Variants in TCERG1L observed in about 807,000 individuals in gnomAD.
TCERG1L encodes the protein transcription elongation regulator 1-like protein.
TCERG1L carries 37 observed loss-of-function variants against 56.3 expected under a neutral mutation model. The ratio of observed to expected loss-of-function variants is 0.66; its 90% CI spans 0.51 to 0.87. TCERG1L has a LOEUF of 0.87. Among genes scored for constraint, TCERG1L ranks in the 40% least tolerant of loss-of-function variants. The pLI, the probability that TCERG1L is intolerant of heterozygous loss-of-function variation, is 0.00. For missense variants in TCERG1L, 799 were observed against 774.2 expected (o/e 1.03, Z -0.38); for synonymous variants, 324 against 326.3 (o/e 0.99, Z 0.08).
At chr10:131,290,029 GGTGT>G (rs1272473143) in intron 3 of TCERG1L, among the ~76,000 whole-genome samples, 3 of 54,282 alleles carry the variant, frequency 5.5e-5, no homozygotes, top group Admixed American at 2.3e-4. Flanking sequence ...ATCTCCTATC[GGTGT>G]GTGTGTGTAT....
intron 6 of TCERG1L, among the ~76,000 whole-genome samples, chr10:131,152,913 C>A (rs1845880954): frequency 6.6e-6 from 1 of 152,134 alleles, no homozygotes. Context: ...CATGAGAACT[C>A]ACTCGCTATC....
rs73396471 is a variant in TCERG1L, at chr10:131,218,992, T to C, written c.856+41267A>G. On this transcript the variant is annotated intron_variant, in intron 4 of 11. Transcript: ENST00000368642. Reference sequence around the variant, plus strand: ...CTGCCTTAGCCAGGGCACCAGCCACTGTCACTCCTCCTGGGCACTGGTCAC... The same window carrying C: ...CTGCCTTAGCCAGGGCACCAGCCACCGTCACTCCTCCTGGGCACTGGTCAC... Among the ~76,000 whole-genome samples, 943 of 152,246 alleles carry C rather than the reference T, an allele frequency of 6.2e-3. 7 individuals carry two copies. The highest frequency in any genetic ancestry group is 0.022 in the African/African-American group (902 of 41,560).
intron 10 of TCERG1L, among the ~76,000 whole-genome samples, chr10:131,102,283 C>T (rs1564791886): frequency 2.0e-5 from 3 of 152,144 alleles, no homozygotes; most frequent in South Asian, 2.1e-4. Context: ...CCCGGGAACA[C>T]GTCACACTGC....
intron 4 of TCERG1L, among the ~76,000 whole-genome samples, chr10:131,198,361 T>C (rs991547206): frequency 6.6e-6 from 1 of 152,340 alleles, no homozygotes; most frequent in Admixed American, 6.5e-5. Flanking sequence ...TGGTGACCCA[T>C]TGCCCACCTG....
At chr10:131,105,884 T>C (rs1425887407) in intron 9 of TCERG1L, among the ~76,000 whole-genome samples, 1 of 152,248 alleles carries the variant, frequency 6.6e-6, no homozygotes, top group Non-Finnish European at 1.5e-5. Flanking sequence ...GCTCCCGTGG[T>C]GGGTTCCCGG....
In TCERG1L at chr10:131,134,559, G is replaced by A. The variant is rs1200029758; in HGVS notation, c.1190-111C>T. The A allele has an allele frequency of 6.4e-6, 5 of 784,274 alleles. No homozygotes were observed. In the Admixed American group the frequency reaches 7.4e-5, roughly 12 times the overall value. 48.6% of individuals were successfully genotyped at this position (784,274 alleles called of 1,614,324 possible). A position where few individuals can be genotyped will look rare whatever the true frequency, so the allele number is the denominator to read the frequency against. The stretch of plus-strand genomic sequence containing the variant: ...GACTTATCTAGAAATTAAGACAACA[G>A]GCTTCTCTTAAAGATTGATGTGAAA... On this transcript the variant is annotated intron_variant, in intron 7 of 11. Coordinates refer to ENST00000368642, the MANE Select transcript of TCERG1L (RefSeq NM_174937.4).
intron 3 of TCERG1L, among the ~76,000 whole-genome samples, chr10:131,277,888 C>A (rs1464032075): frequency 6.6e-6 from 1 of 151,974 alleles, no homozygotes; most frequent in African/African-American, 2.4e-5. Flanking sequence ...GCCGGGAGAG[C>A]CACCGACTTG....
chr10:131,098,873 C>T (rs996930023), intron 10 of TCERG1L, among the ~76,000 whole-genome samples: 6 of 152,218 alleles, frequency 3.9e-5, no homozygotes, highest in South Asian at 2.1e-4. Flanking sequence ...GCACTTAGTT[C>T]GTGCTAGTCA....
chr10:131,139,182 C>T (rs1163377052), intron 7 of TCERG1L, among the ~76,000 whole-genome samples: 7 of 152,212 alleles, frequency 4.6e-5, no homozygotes, highest in Admixed American at 4.6e-4. Flanking sequence ...GGAGAAGATT[C>T]GGCAGTACCT....
chr10:131,200,648 T>C (rs1312947966), intron 4 of TCERG1L, among the ~76,000 whole-genome samples: 2 of 152,186 alleles, frequency 1.3e-5, no homozygotes, highest in Admixed American at 6.5e-5. Flanking sequence ...GTCTCACTCA[T>C]ATGATGTTTA....
intron 7 of TCERG1L, among the ~76,000 whole-genome samples, chr10:131,138,193 C>T (rs559760341): frequency 2.0e-5 from 3 of 152,216 alleles, no homozygotes; most frequent in South Asian, 2.1e-4. Flanking sequence ...TTTTTGAACC[C>T]GGGAGAGTTC....
intron 4 of TCERG1L, among the ~76,000 whole-genome samples, chr10:131,179,974 T>G (rs1262336544): frequency 6.6e-6 from 1 of 152,110 alleles, no homozygotes; most frequent in Non-Finnish European, 1.5e-5. Flanking sequence ...CTTCATGCTT[T>G]AGTTAAAAAT....
At chr10:131,226,115 G>C (rs1299103079) in intron 4 of TCERG1L, among the ~76,000 whole-genome samples, 2 of 152,162 alleles carry the variant, frequency 1.3e-5, no homozygotes, top group African/African-American at 4.8e-5. Context: ...TTTTTAAATA[G>C]TTTCTTTTAG....
chr10:131,176,072 C>T (rs74713395), intron 4 of TCERG1L, among the ~76,000 whole-genome samples: 1,576 of 152,316 alleles, frequency 0.01, 29 homozygotes, highest in African/African-American at 0.031. Flanking sequence ...GTCGCTTCGT[C>T]GAGCCCTCCG....
intron 6 of TCERG1L, among the ~76,000 whole-genome samples, chr10:131,154,487 C>T (rs1019943445): frequency 3.3e-5 from 5 of 152,194 alleles, no homozygotes; most frequent in South Asian, 2.1e-4. Flanking sequence ...TCCCTGGGGC[C>T]GGGCCACCAG....
chr10:131,221,707 A>G (rs534977432), intron 4 of TCERG1L, among the ~76,000 whole-genome samples: 2 of 152,306 alleles, frequency 1.3e-5, no homozygotes, highest in African/African-American at 4.8e-5. Context: ...GGAGGTCCCC[A>G]TGCTATGACT....
At chr10:131,095,685 T>C (rs889507153) in intron 11 of TCERG1L, 8 of 152,372 alleles carry the variant, frequency 5.3e-5, no homozygotes, top group African/African-American at 1.4e-4. Flanking sequence ...TAAAATAATT[T>C]GCTACATTAT....
intron 4 of TCERG1L, among the ~76,000 whole-genome samples, chr10:131,256,994 A>AAGG (rs1554897149): frequency 8.7e-5 from 6 of 69,142 alleles, no homozygotes; most frequent in East Asian, 3.6e-4. Context: ...GGAAGGAAGG[A>AAGG]AAGAAAGAAA....
chr10:131,163,177 T>C lies in TCERG1L; in HGVS notation c.979A>G (p.Ser327Gly), dbSNP rs1415289068. The change falls in exon 6 of 12, where the codon AGC becomes GGC. Residue 327 changes from serine to glycine, a missense_variant. Physicochemically the swap from Ser to Gly is moderately conservative, Grantham distance 56. Transcript: ENST00000368642. ...PPPMLGGGED[S>G]TARGNRPVAS... ...ACTGGCCTGTTGCCTCTGGCTGTGC[T>C]GTCCTCTCCTCCCCCCAGCATCGGT... 3 of 1,569,450 alleles carry C rather than the reference T, an allele frequency of 1.9e-6. No individual in the cohort carries two copies. Among genetic ancestry groups the C allele is most frequent in the Admixed American group, 1.9e-5 (1 of 53,434 alleles).
Sources: gnomAD v4.1 joint callset for allele counts (sites outside exome capture counted in the v4.1 genomes callset) on GRCh38, gnomAD v4.1.1 for gene constraint, MANE v1.5 for transcripts, NCBI Gene and HGNC (gene_info 2026-07-23, HGNC 2026-07-21) for gene names.